The following PCDHA8 variants were observed in gnomAD, a reference collection of about 807,000 sequenced individuals.
The protein encoded by PCDHA8 is protocadherin alpha-8.
Under a neutral mutation model 61.8 loss-of-function variants are expected in PCDHA8, and 53 were observed. That is an observed-to-expected ratio of 0.86 (90% confidence interval 0.69 to 1.08). PCDHA8 has a LOEUF of 1.08. Among genes scored for constraint, PCDHA8 ranks in the 50% least tolerant of loss-of-function variants. The pLI is 0.00. For synonymous variants in PCDHA8, 618 were observed against 556.6 expected, an observed-to-expected ratio of 1.11 and a Z score of -1.55; for missense variants, 1,293 against 1,245.0, an observed-to-expected ratio of 1.04 and a Z score of -0.58.
chr5:141,009,953 A>G lies in PCDHA8; in HGVS notation c.*16A>G, dbSNP rs782663496. 3 of 1,592,888 alleles carry G rather than the reference A, an allele frequency of 1.9e-6. No homozygotes were observed. Among genetic ancestry groups the G allele is most frequent in the Non-Finnish European group, 2.6e-6 (3 of 1,172,546 alleles). On this transcript the variant is annotated 3_prime_UTR_variant, in exon 4 of 4. Transcript: ENST00000531613. ...TGACCAGTGAGGTCCTCAAATGGAA[A>G]CAAGCCACTTAGCCAGTTTTTGTAA...
At position 140,843,639 on chromosome 5, in the gene PCDHA8, GC is replaced by G; in HGVS notation, c.2322del (p.Cys775AlafsTer11). ...CCGAAGACGGACCTCATGGCCTTCA[GC>G]CCCTGCCTTCCTCCTGATCTGGGAT... The part of the protein sequence containing the change: ...GPPKTDLMAF[S>X]PCLPPDLGSV... On this transcript the variant is annotated frameshift_variant, in exon 1 of 4. Coordinates refer to ENST00000531613, the MANE Select transcript of PCDHA8 (RefSeq NM_018911.3). LOFTEE classifies it high-confidence loss of function. 6.3e-7 allele frequency: 1 copy of G among 1,595,772 alleles called. No homozygotes were observed. The highest frequency in any genetic ancestry group is 8.6e-7 in the Non-Finnish European group (1 of 1,165,284).
At chr5:140,862,549 C>T in intron 1 of PCDHA8, 3 of 457,652 alleles carry the variant, frequency 6.6e-6, no homozygotes, top group South Asian at 5.1e-5. Context: ...TGGAAGTGGC[C>T]GAACAGTGAA....
In PCDHA8 at chr5:140,855,633, A is replaced by G. The variant is rs2043544595; in HGVS notation, c.2394+11918A>G. On this transcript the variant is annotated intron_variant, in intron 1 of 3. Transcript: ENST00000531613. ...ATTAAGGGCATTTTGAAATTCGGCT[A>G]TTGATAATCATGTGGTTAGGGAAGA... 1.3e-5 allele frequency among the ~76,000 whole-genome samples: 2 copies of G among 149,874 alleles called. 1 individual carries two copies. Among genetic ancestry groups the G allele is most frequent in the African/African-American group, 4.9e-5 (2 of 40,848 alleles).
At chr5:140,991,569 A>G (rs1157834136) in intron 3 of PCDHA8, among the ~76,000 whole-genome samples, 4 of 152,188 alleles carry the variant, frequency 2.6e-5, no homozygotes, top group Admixed American at 6.5e-5. Flanking sequence ...GTTTCCAATA[A>G]CAGGCTCCTT....
chr5:140,870,276 C>T (rs1554163984), intron 1 of PCDHA8: 3 of 1,614,170 alleles, frequency 1.9e-6, no homozygotes, highest in South Asian at 1.1e-5. Context: ...TGACGCCCCA[C>T]GTTCCCTTCA....
intron 3 of PCDHA8, among the ~76,000 whole-genome samples, chr5:140,997,970 G>A (rs2097791868): frequency 2.0e-5 from 3 of 152,106 alleles, no homozygotes; most frequent in Admixed American, 2.0e-4. Context: ...ACCTGTGGTT[G>A]GACTGCACTT....
At chr5:140,927,619 C>T (rs2084429859) in intron 1 of PCDHA8, 3 of 1,614,170 alleles carry the variant, frequency 1.9e-6, no homozygotes, top group Non-Finnish European at 2.5e-6. Flanking sequence ...CACCAAGGTT[C>T]CAGAGACTGC....
At chr5:140,910,095 C>T (rs1011405673) in intron 1 of PCDHA8, among the ~76,000 whole-genome samples, 1 of 152,188 alleles carries the variant, frequency 6.6e-6, no homozygotes, top group Non-Finnish European at 1.5e-5. Flanking sequence ...GAACCAGCCT[C>T]CCCTTCATTT....
chr5:140,856,229 C>CG (rs2043871917), intron 1 of PCDHA8: 1 of 1,597,818 alleles, frequency 6.3e-7, no homozygotes, highest in Non-Finnish European at 8.6e-7. Context: ...GCTGGTGCAG[C>CG]GCCTGTTCCG....
intron 1 of PCDHA8, chr5:140,867,873 G>A (rs1554161583): frequency 6.6e-6 from 1 of 152,056 alleles, no homozygotes; most frequent in East Asian, 1.9e-4. Flanking sequence ...AATTTTCTAT[G>A]TTTTAAGCAC....
intron 1 of PCDHA8, chr5:140,870,703 G>A (rs899824906): frequency 1.2e-6 from 2 of 1,612,916 alleles, no homozygotes; most frequent in East Asian, 2.2e-5. Context: ...ACAGTTCCAG[G>A]TGAGCGCGCG....
At chr5:140,852,947 T>C in intron 1 of PCDHA8, 2 of 520,496 alleles carry the variant, frequency 3.8e-6, no homozygotes, top group Non-Finnish European at 2.5e-6. Flanking sequence ...GGTGCCATCT[T>C]GGCTCACTCC....
At chr5:140,943,050 A>G (rs1450755005) in intron 1 of PCDHA8, among the ~76,000 whole-genome samples, 1 of 152,044 alleles carries the variant, frequency 6.6e-6, no homozygotes, top group African/African-American at 2.4e-5. Flanking sequence ...TGAGGTCAGG[A>G]GTTCAAGAAC....
intron 1 of PCDHA8, among the ~76,000 whole-genome samples, chr5:140,909,701 T>A (rs1038404823): frequency 4.6e-4 from 70 of 152,334 alleles, no homozygotes; most frequent in African/African-American, 1.6e-3. Flanking sequence ...TTCTGCTAGC[T>A]GCTAAGTATA....
intron 1 of PCDHA8, among the ~76,000 whole-genome samples, chr5:140,970,048 G>T (rs561588022): frequency 6.6e-6 from 1 of 152,296 alleles, no homozygotes; most frequent in African/African-American, 2.4e-5. Flanking sequence ...TTGTCTGGTT[G>T]GTCCAGGGAG....
chr5:140,874,465 T>C (rs1554167224), intron 1 of PCDHA8, among the ~76,000 whole-genome samples: 1 of 152,184 alleles, frequency 6.6e-6, no homozygotes. Flanking sequence ...TAGGGGAAGA[T>C]TTAGAGAAAA....
At chr5:140,927,146 A>T (rs2083897470) in intron 1 of PCDHA8, 1 of 1,614,156 alleles carries the variant, frequency 6.2e-7, no homozygotes, top group East Asian at 2.2e-5. Context: ...GACCGCGAAC[A>T]GCTGTGCAGG....
At position 140,842,101 on chromosome 5, in the gene PCDHA8, A is replaced by G; in HGVS notation, c.780A>G (p.Thr260=). 6.2e-7 allele frequency: 1 copy of G among 1,613,930 alleles called. No individual in the cohort carries two copies. The highest frequency in any genetic ancestry group is 8.5e-7 in the Non-Finnish European group (1 of 1,179,886). ...TCGAAAACGCAGACAACGGAACAAC[A>G]GTTATCAAACTGAATGCTTCTGATC... is the stretch of plus-strand genomic sequence containing the variant. The part of the protein sequence containing the change: ...RIFENADNGT[T]VIKLNASDPD... Residue 260 remains threonine (T), a synonymous_variant, in exon 1 of 4, where the codon ACA becomes ACG. Coordinates refer to ENST00000531613, the MANE Select transcript of PCDHA8 (RefSeq NM_018911.3).
At chr5:140,943,234 G>A (rs1161111493) in intron 1 of PCDHA8, among the ~76,000 whole-genome samples, 3 of 145,508 alleles carry the variant, frequency 2.1e-5, no homozygotes, top group Non-Finnish European at 4.5e-5. Context: ...CTCCAGCCTG[G>A]GTCACAGAGT....
Sources: gnomAD v4.1 joint callset for allele counts (sites outside exome capture counted in the v4.1 genomes callset) on GRCh38, gnomAD v4.1.1 for gene constraint, MANE v1.5 for transcripts, NCBI Gene and HGNC (gene_info 2026-07-23, HGNC 2026-07-21) for gene names.